SGPP2: variants seen among roughly 807,000 people sequenced by gnomAD.
SGPP2 encodes sphingosine 1-phosphate phosphohydrolase 2.
In SGPP2, 30 loss-of-function variants were observed where a neutral mutation model predicts 33.9. That is an observed-to-expected ratio of 0.89 (90% confidence interval 0.66 to 1.20). SGPP2 has a LOEUF of 1.20. Ranked by LOEUF, SGPP2 falls within the 50% of genes most tolerant of loss-of-function variation. The probability of loss-of-function intolerance (pLI) is 0.00; values close to 1 mark genes in which losing one functional copy is unlikely to be tolerated. For missense variants in SGPP2, 458 were observed against 532.1 expected (o/e 0.86, Z 1.37); for synonymous variants, 233 against 225.0 (o/e 1.04, Z -0.32).
chr2:222,541,977 T>C (rs1699005351), intron 4 of SGPP2, among the ~76,000 whole-genome samples: 1 of 152,158 alleles, frequency 6.6e-6, no homozygotes, highest in South Asian at 2.1e-4. Context: ...AAATTGTAAA[T>C]GTGCAGCTCG....
intron 2 of SGPP2, among the ~76,000 whole-genome samples, chr2:222,494,540 T>C (rs1232075499): frequency 1.3e-5 from 2 of 152,250 alleles, no homozygotes; most frequent in Non-Finnish European, 2.9e-5. Context: ...CTTGCACTTG[T>C]GTCTTCACTG....
Position 222,550,346 on chromosome 2 carries a change from C to A in SGPP2, c.649-8001C>A, listed in dbSNP as rs1689272272. Among the ~76,000 whole-genome samples the A allele has an allele frequency of 6.6e-6, 1 of 151,922 alleles. No individual in the cohort carries two copies. The highest frequency in any genetic ancestry group is 2.4e-5 in the African/African-American group (1 of 41,370). On this transcript the variant is annotated intron_variant, in intron 4 of 4. Coordinates refer to ENST00000321276, the MANE Select transcript of SGPP2 (RefSeq NM_152386.4). The surrounding 1 kb of genome is among the most constrained non-coding windows in gnomAD (Gnocchi z 4.5). ...TTGATTTTCACATTCTGATTTTTTT[C>A]CTCCTTGATTTCATTTTATTATAAT...
intron 1 of SGPP2, among the ~76,000 whole-genome samples, chr2:222,450,034 A>G (rs577029518): frequency 9.2e-4 from 140 of 152,364 alleles, no homozygotes; most frequent in Middle Eastern, 3.4e-3. Flanking sequence ...TTGTGTATCA[A>G]CAATAATCAA....
chr2:222,483,486 CT>C (rs1698060446), intron 2 of SGPP2, among the ~76,000 whole-genome samples: 1 of 152,094 alleles, frequency 6.6e-6, no homozygotes, highest in Non-Finnish European at 1.5e-5. Flanking sequence ...AGCTAGCTAG[CT>C]GATACTTACA....
intron 4 of SGPP2, among the ~76,000 whole-genome samples, chr2:222,557,233 G>A (rs1390829548): frequency 6.6e-6 from 1 of 152,170 alleles, no homozygotes; most frequent in Non-Finnish European, 1.5e-5. Context: ...AGACCGTGAG[G>A]TCCAGGACAG....
At chr2:222,462,881 C>T (rs762458911) in intron 1 of SGPP2, among the ~76,000 whole-genome samples, 1 of 151,910 alleles carries the variant, frequency 6.6e-6, no homozygotes, top group Non-Finnish European at 1.5e-5. Flanking sequence ...CAAGCAGGGT[C>T]GGAGGAGGTA....
chr2:222,548,372 T>C (rs1689238002), intron 4 of SGPP2, among the ~76,000 whole-genome samples: 1 of 152,372 alleles, frequency 6.6e-6, no homozygotes, highest in South Asian at 2.1e-4. Flanking sequence ...CAAGTGGACA[T>C]TTATTCTAAA....
At chr2:222,506,264 A>G (rs913366104) in intron 2 of SGPP2, among the ~76,000 whole-genome samples, 1 of 152,236 alleles carries the variant, frequency 6.6e-6, no homozygotes, top group East Asian at 1.9e-4. Flanking sequence ...TGTATTTTTC[A>G]TCATGTTTAG....
At chr2:222,430,722 C>A (rs982424531) in intron 1 of SGPP2, among the ~76,000 whole-genome samples, 1 of 152,202 alleles carries the variant, frequency 6.6e-6, no homozygotes, top group Non-Finnish European at 1.5e-5. Context: ...AGAAACTTGA[C>A]AGACACTCCC....
intron 2 of SGPP2, among the ~76,000 whole-genome samples, chr2:222,496,456 GCAGTAGATGTTCTCAT>G (rs1404311676): frequency 2.0e-5 from 3 of 152,172 alleles, no homozygotes; most frequent in African/African-American, 7.2e-5. Flanking sequence ...TTGCACTATT[GCAGTAGATGTTCTCAT>G]CAGTCTCCCT....
chr2:222,439,028 C>T (rs1697286689), intron 1 of SGPP2, among the ~76,000 whole-genome samples: 1 of 152,132 alleles, frequency 6.6e-6, no homozygotes, highest in African/African-American at 2.4e-5. Flanking sequence ...TAAGTTGGAC[C>T]TGAGCTAAAA....
intron 1 of SGPP2, among the ~76,000 whole-genome samples, chr2:222,454,909 C>A (rs555768542): frequency 1.3e-5 from 2 of 152,202 alleles, no homozygotes; most frequent in South Asian, 4.1e-4. Context: ...ACTTTTATTT[C>A]TCTGTCTCTT....
rs1178256620 is a variant in SGPP2, at chr2:222,474,608, A to G, written c.260A>G (p.Tyr87Cys). The G allele has an allele frequency of 8.7e-6, 14 of 1,613,998 alleles. No homozygotes were observed. The East Asian group carries it at 1.6e-4, about 18-fold the overall frequency. Residue 87 changes from tyrosine to cysteine, a missense_variant, in exon 2 of 5, where the codon TAT (tyrosine) becomes TGT (cysteine). Physicochemically the swap from Tyr to Cys is radical, Grantham distance 194 (BLOSUM62 -2). Transcript: ENST00000321276. ...TACGTCGTGAAGAATTATTTCTACT[A>G]TTACCTATTCCAATTTTCAGCTGCT... The part of the protein sequence containing the change: ...QKYVVKNYFY[Y>C]YLFQFSAALG...
chr2:222,508,187 T>C (rs116011179), intron 2 of SGPP2, among the ~76,000 whole-genome samples: 5 of 152,224 alleles, frequency 3.3e-5, no homozygotes, highest in African/African-American at 9.6e-5. Flanking sequence ...CGTCCTCTAT[T>C]GAGCTCCGGA....
intron 2 of SGPP2, among the ~76,000 whole-genome samples, chr2:222,487,353 A>G (rs774259525): frequency 1.2e-4 from 19 of 152,214 alleles, no homozygotes; most frequent in Non-Finnish European, 2.8e-4. Flanking sequence ...ACAAGTGTGC[A>G]ATGAATTGTA....
intron 4 of SGPP2, among the ~76,000 whole-genome samples, chr2:222,556,984 C>T (rs1689423072): frequency 6.6e-6 from 1 of 152,056 alleles, no homozygotes; most frequent in African/African-American, 2.4e-5. Flanking sequence ...ACCCTCCCCA[C>T]TGCAGTCAGA....
At chr2:222,492,244 C>T (rs1258326142) in intron 2 of SGPP2, among the ~76,000 whole-genome samples, 2 of 152,202 alleles carry the variant, frequency 1.3e-5, no homozygotes, top group East Asian at 1.9e-4. Context: ...CATTTCCTTT[C>T]CCCACTGCCC....
At chr2:222,490,897 C>T (rs138518547) in intron 2 of SGPP2, among the ~76,000 whole-genome samples, 30 of 152,096 alleles carry the variant, frequency 2.0e-4, no homozygotes, top group East Asian at 1.3e-3. Flanking sequence ...TTTTTTGGTT[C>T]GTCTTGTAAC....
chr2:222,492,522 G>A (rs142740055), intron 2 of SGPP2, among the ~76,000 whole-genome samples: 244 of 152,348 alleles, frequency 1.6e-3, no homozygotes, highest in Admixed American at 0.012. Context: ...TCCTGAGGCT[G>A]CATAGAACAG....
Sources: allele counts gnomAD v4.1 joint callset (sites outside exome capture counted in the v4.1 genomes callset), GRCh38; gene constraint gnomAD v4.1.1; non-coding constraint Gnocchi (gnomAD v3.1); transcripts MANE v1.5; gene names NCBI Gene and HGNC (gene_info 2026-07-23, HGNC 2026-07-21).